The following EXOC6 variants were observed in gnomAD, a reference collection of about 807,000 sequenced individuals.
The protein encoded by EXOC6 is SEC15-like 1.
In EXOC6, 60 loss-of-function variants were observed where a neutral mutation model predicts 112.5. The ratio of observed to expected loss-of-function variants is 0.53; its 90% CI spans 0.43 to 0.66. The LOEUF (loss-of-function observed/expected upper bound fraction) is 0.66. Ranked by LOEUF, EXOC6 falls within the 30% of genes least tolerant of loss-of-function variation. EXOC6 has a pLI of 0.00. For synonymous variants in EXOC6, 295 were observed against 308.0 expected (o/e 0.96, Z 0.44); for missense variants, 855 against 957.1 (o/e 0.89, Z 1.41).
At chr10:92,896,029 A>G (rs1260867113) in intron 4 of EXOC6, among the ~76,000 whole-genome samples, 7 of 136,116 alleles carry the variant, frequency 5.1e-5, no homozygotes, top group African/African-American at 8.2e-5. Flanking sequence ...GTGTATATAT[A>G]TGTGTGTATA....
intron 20 of EXOC6, among the ~76,000 whole-genome samples, chr10:93,021,550 G>A (rs918138263): frequency 4.6e-5 from 7 of 152,170 alleles, no homozygotes; most frequent in Admixed American, 4.6e-4. Context: ...GATTCTTTCT[G>A]TTGACAGTAG....
rs1387285834 is a variant in EXOC6 at position 93,006,877 on chromosome 10, C to T, written c.2096-7317C>T. Among the ~76,000 whole-genome samples, 5 of 152,290 alleles carry T rather than the reference C, an allele frequency of 3.3e-5. No individual in the cohort carries two copies. The East Asian group carries it at 9.7e-4, about 29-fold the overall frequency. ...TCCATTTTATATGCACCTGTGTGGT[C>T]ATTTGCAAGCAAGATCTTAAAACTT... is the stretch of plus-strand genomic sequence containing the variant. On this transcript the variant is annotated intron_variant, in intron 19 of 21. Transcript: ENST00000260762.
intron 20 of EXOC6, among the ~76,000 whole-genome samples, chr10:93,017,203 A>G (rs1844565637): frequency 6.6e-6 from 1 of 152,144 alleles, no homozygotes; most frequent in African/African-American, 2.4e-5. Context: ...ACAATTGGCT[A>G]CAGTCCAAAA....
chr10:93,028,491 A>C (rs936470075), intron 20 of EXOC6, among the ~76,000 whole-genome samples: 5 of 152,252 alleles, frequency 3.3e-5, no homozygotes, highest in Middle Eastern at 3.4e-3. Flanking sequence ...AAGCAGGGAA[A>C]GTGTTTTTTT....
intron 9 of EXOC6, among the ~76,000 whole-genome samples, chr10:92,929,575 G>A (rs1285061945): frequency 6.6e-6 from 1 of 152,170 alleles, no homozygotes; most frequent in Admixed American, 6.5e-5. Flanking sequence ...GTATATAATA[G>A]TGCTACTTAG....
rs530065624 is a variant in EXOC6, at chr10:92,878,951, T to G, written c.102-14398T>G. Among the ~76,000 whole-genome samples, 50 of 152,332 alleles carry G rather than the reference T, an allele frequency of 3.3e-4. 2 individuals are homozygous for G. The South Asian group carries it at 0.01, about 32-fold the overall frequency. Reference sequence around the variant, plus strand: ...TTGTTAAAAAAGGTCTTTAAAAATATGTATGTATTTCAGGGGGTTCTTTGT... The same window carrying G: ...TTGTTAAAAAAGGTCTTTAAAAATAGGTATGTATTTCAGGGGGTTCTTTGT... On this transcript the variant is annotated intron_variant, in intron 1 of 21. Transcript: ENST00000260762.
intron 1 of EXOC6, among the ~76,000 whole-genome samples, chr10:92,885,515 G>A (rs909687760): frequency 1.3e-5 from 2 of 151,956 alleles, no homozygotes; most frequent in African/African-American, 4.8e-5. Flanking sequence ...AAGTAGCTGG[G>A]ATACAGGTGT....
chr10:92,946,637 T>C (rs1463348009), intron 13 of EXOC6, among the ~76,000 whole-genome samples: 2 of 152,170 alleles, frequency 1.3e-5, no homozygotes, highest in Non-Finnish European at 2.9e-5. Flanking sequence ...TGGATGTCTG[T>C]TTGCACACCT....
intron 1 of EXOC6, among the ~76,000 whole-genome samples, chr10:92,870,625 G>A (rs77540032): frequency 2.7e-3 from 416 of 151,926 alleles, no homozygotes; most frequent in African/African-American, 9.3e-3. Context: ...GACTTTTTCC[G>A]ATCTTTGGAT....
intron 1 of EXOC6, among the ~76,000 whole-genome samples, chr10:92,867,352 C>A (rs1848223555): frequency 6.6e-6 from 1 of 152,142 alleles, no homozygotes; most frequent in East Asian, 1.9e-4. Flanking sequence ...TGATAACTTA[C>A]TGGCCATGCA....
In EXOC6 at chr10:92,866,231, A is replaced by T. The variant is rs141105644; in HGVS notation, c.101+17597A>T. ...TCCAAGTAACTAATTTATATTTCAC[A>T]TTAAAACACTGGGATTAAACATTGA... On this transcript the variant is annotated intron_variant, in intron 1 of 21. Coordinates refer to ENST00000260762, the MANE Select transcript of EXOC6 (RefSeq NM_019053.6). 1.9e-3 allele frequency among the ~76,000 whole-genome samples: 287 copies of T among 152,318 alleles called. 3 individuals are homozygous for T. The highest frequency in any genetic ancestry group is 6.8e-3 in the African/African-American group (281 of 41,564).
upstream of EXOC6, chr10:92,831,226 G>T (rs1846469529): frequency 1.4e-6 from 1 of 711,446 alleles, no homozygotes; most frequent in Non-Finnish European, 2.2e-6. Flanking sequence ...TAGAGGGAGG[G>T]TGGGGAGAGC....
At chr10:92,871,907 A>T (rs1304585526) in intron 1 of EXOC6, among the ~76,000 whole-genome samples, 1 of 151,958 alleles carries the variant, frequency 6.6e-6, no homozygotes, top group East Asian at 1.9e-4. Context: ...TTTAAATTTA[A>T]ATTTTGTGTA....
rs915147933 is a variant in EXOC6, at chr10:92,909,711, T to G, written c.663+80T>G. The G allele has an allele frequency of 4.9e-6, 4 of 811,882 alleles. No individual in the cohort carries two copies. In the African/African-American group the frequency reaches 7.0e-5, roughly 14 times the overall value. 50.3% of individuals were successfully genotyped at this position (811,882 alleles called of 1,614,324 possible). On this transcript the variant is annotated intron_variant, in intron 6 of 21. Coordinates refer to ENST00000260762, the MANE Select transcript of EXOC6 (RefSeq NM_019053.6). The stretch of plus-strand genomic sequence containing the variant: ...AATATCCAAGGTTTACTTCTTTAAC[T>G]TACATAAAATGCTTATTTTTGTTTT...
At chr10:92,946,393 T>TA (rs947674428) in intron 13 of EXOC6, among the ~76,000 whole-genome samples, 29 of 148,538 alleles carry the variant, frequency 2.0e-4, no homozygotes, top group African/African-American at 2.2e-4. Flanking sequence ...GACCCTGTCT[T>TA]AAAAAAAAAA....
chr10:92,920,791 A>G (rs535531025), intron 8 of EXOC6, among the ~76,000 whole-genome samples: 3 of 152,118 alleles, frequency 2.0e-5, no homozygotes, highest in Non-Finnish European at 4.4e-5. Context: ...ATATATGTTT[A>G]TAATTGTTAT....
chr10:92,869,306 C>CT (rs201734295), intron 1 of EXOC6, among the ~76,000 whole-genome samples: 1 of 144,020 alleles, frequency 6.9e-6, no homozygotes, highest in African/African-American at 2.7e-5. Context: ...CAGGCCCTTT[C>CT]TTTTAAAAAA....
upstream of EXOC6, among the ~76,000 whole-genome samples, chr10:92,846,360 A>G (rs559796627): frequency 5.9e-5 from 9 of 152,326 alleles, no homozygotes; most frequent in Non-Finnish European, 1.2e-4. Flanking sequence ...CCTGTGCCAC[A>G]TGCCCTGCTC....
chr10:92,892,401 G>A (rs1270053038), intron 1 of EXOC6, among the ~76,000 whole-genome samples: 1 of 152,212 alleles, frequency 6.6e-6, no homozygotes. Flanking sequence ...GTCAATCAGG[G>A]AAGCTCATCC....
Sources: allele counts gnomAD v4.1 joint callset (sites outside exome capture counted in the v4.1 genomes callset), GRCh38; gene constraint gnomAD v4.1.1; transcripts MANE v1.5; gene names NCBI Gene and HGNC (gene_info 2026-07-23, HGNC 2026-07-21).